Variants in ZNF431 observed in about 807,000 individuals in gnomAD.
The protein encoded by ZNF431 is zinc finger protein 431.
Under a neutral mutation model 57.0 loss-of-function variants are expected in ZNF431, and 34 were observed. The ratio of observed to expected loss-of-function variants is 0.60; its 90% CI spans 0.45 to 0.79. ZNF431 has a LOEUF of 0.79. ZNF431 is among the 30% of genes least tolerant of loss of function. The pLI, the probability that ZNF431 is intolerant of heterozygous loss-of-function variation, is 0.00. For missense variants in ZNF431, 607 were observed against 667.1 expected, an observed-to-expected ratio of 0.91 and a Z score of 0.99; for synonymous variants, 207 against 220.3, an observed-to-expected ratio of 0.94 and a Z score of 0.54.
chr19:21,142,949 T>G (rs185340570), intron 1 of ZNF431, among the ~76,000 whole-genome samples: 64 of 152,284 alleles, frequency 4.2e-4, no homozygotes, highest in African/African-American at 1.5e-3. Flanking sequence ...TCTAATTGCC[T>G]GCCTTTTAAT....
intron 4 of ZNF431, among the ~76,000 whole-genome samples, chr19:21,176,539 G>A (rs938184971): frequency 6.6e-6 from 1 of 151,834 alleles, no homozygotes; most frequent in African/African-American, 2.4e-5. Context: ...CACTGTGCCC[G>A]GCCTTTGTTC....
intron 2 of ZNF431, among the ~76,000 whole-genome samples, chr19:21,155,991 C>T (rs1164051440): frequency 1.3e-5 from 2 of 152,080 alleles, no homozygotes; most frequent in Admixed American, 6.5e-5. Context: ...TGACAGACCC[C>T]CTTTTCACAA....
chr19:21,152,436 T>G (rs12980860), intron 2 of ZNF431, among the ~76,000 whole-genome samples: 112,788 of 151,986 alleles, frequency 0.74, 42,855 homozygotes, highest in Middle Eastern at 0.86. Context: ...CCATGTCCCA[T>G]GGTCCTGTAG....
intron 2 of ZNF431, among the ~76,000 whole-genome samples, chr19:21,164,530 G>T (rs1366968066): frequency 6.6e-6 from 1 of 152,168 alleles, no homozygotes; most frequent in Non-Finnish European, 1.5e-5. Context: ...CGTGACACTA[G>T]TAGGTAAGCA....
At chr19:21,169,105 G>T (rs1270477393) in intron 4 of ZNF431, among the ~76,000 whole-genome samples, 1 of 151,804 alleles carries the variant, frequency 6.6e-6, no homozygotes, top group Non-Finnish European at 1.5e-5. Flanking sequence ...TAGTAAGACG[G>T]AATTTCACTC....
In ZNF431 at chr19:21,185,780, A is replaced by C. The variant is rs992030826; in HGVS notation, c.*1746A>C. The C allele has an allele frequency of 4.6e-5, 7 of 152,148 alleles. No individual in the cohort carries two copies. The highest frequency in any genetic ancestry group is 8.8e-5 in the Non-Finnish European group (6 of 68,028). 9.4% of individuals were successfully genotyped at this position (152,148 alleles called of 1,614,324 possible). On this transcript the variant is annotated 3_prime_UTR_variant, in exon 5 of 5. Coordinates refer to ENST00000311048, the MANE Select transcript of ZNF431 (RefSeq NM_133473.4). ...CCAGCCTGTAGCATATTTTAATAGG[A>C]GAATACAATATATAATAGTAGCAGG...
Position 21,192,155 on chromosome 19 carries a change from T to A in ZNF431, c.*8121T>A, listed in dbSNP as rs1458909376. Reference sequence around the variant, plus strand: ...ATGGTGCTTTTGTATTTTGAAAGTTTAATAAATTTTGTTTATTTATTTATT... The same window carrying A: ...ATGGTGCTTTTGTATTTTGAAAGTTAAATAAATTTTGTTTATTTATTTATT... On this transcript the variant is annotated 3_prime_UTR_variant, in exon 5 of 5. Transcript: ENST00000311048. The A allele has an allele frequency of 6.6e-6, 1 of 152,144 alleles. No individual in the cohort carries two copies. The highest frequency in any genetic ancestry group is 1.5e-5 in the Non-Finnish European group (1 of 68,022). The allele number at this position is 152,144 out of a possible 1,614,324, so 9.4% of individuals were successfully genotyped here. A position where few individuals can be genotyped will look rare whatever the true frequency, so the allele number is the denominator to read the frequency against.
In ZNF431 at chr19:21,142,171, T is replaced by C. The variant is rs755035105; in HGVS notation, c.-13T>C. On this transcript the variant is annotated 5_prime_UTR_variant, in exon 1 of 5. Transcript: ENST00000311048. The stretch of plus-strand genomic sequence containing the variant: ...CCACAGCTAAGACACCGGGACCCCC[T>C]GAAAGCCTAGAAATGGTGAGAGTGC... 3 of 1,612,798 alleles carry C rather than the reference T, an allele frequency of 1.9e-6. No homozygotes were observed. Among genetic ancestry groups the C allele is most frequent in the Non-Finnish European group, 2.5e-6 (3 of 1,179,192 alleles).
At chr19:21,149,877 G>T in intron 2 of ZNF431, 1 of 641,422 alleles carries the variant, frequency 1.6e-6, no homozygotes. Context: ...AGACGTCCTA[G>T]TCTTACCTTC....
chr19:21,145,781 T>C (rs1366322875), intron 2 of ZNF431, among the ~76,000 whole-genome samples: 1 of 152,102 alleles, frequency 6.6e-6, no homozygotes, highest in African/African-American at 2.4e-5. Context: ...TTATAAAAAC[T>C]GTAAGTATTG....
intron 2 of ZNF431, 33 bp downstream of exon 2, chr19:21,143,676 C>T: frequency 6.6e-7 from 1 of 1,526,504 alleles, no homozygotes. Context: ...TTGTCTACGC[C>T]CAACCCAGCT....
At chr19:21,154,782 A>AT (rs1439292581) in intron 2 of ZNF431, among the ~76,000 whole-genome samples, 5 of 152,080 alleles carry the variant, frequency 3.3e-5, no homozygotes, top group African/African-American at 1.2e-4. Flanking sequence ...GATGATGAGC[A>AT]TTTTTTCATG....
At chr19:21,144,809 C>A (rs939864180) in intron 2 of ZNF431, among the ~76,000 whole-genome samples, 1 of 152,092 alleles carries the variant, frequency 6.6e-6, no homozygotes, top group Non-Finnish European at 1.5e-5. Context: ...TACATAGATT[C>A]ATGAAAACAT....
Position 21,155,950 on chromosome 19 carries a change from A to G in ZNF431, c.97-10385A>G, listed in dbSNP as rs190394337. ...CCCAGGGCTCCTGCCAGGATTGAAG[A>G]GGATGAAAACTTCAAGGAAAGGAGC... On this transcript the variant is annotated intron_variant, in intron 2 of 4. Transcript: ENST00000311048. Among the ~76,000 whole-genome samples the G allele has an allele frequency of 1.2e-4, 18 of 152,254 alleles. No individual in the cohort carries two copies. In the East Asian group the frequency reaches 3.5e-3, roughly 29 times the overall value.
chr19:21,181,774 T>G (rs1971216331), intron 4 of ZNF431, among the ~76,000 whole-genome samples: 1 of 152,286 alleles, frequency 6.6e-6, no homozygotes, highest in African/African-American at 2.4e-5. Flanking sequence ...TTTTTAAAAT[T>G]AATGTATACA....
intron 3 of ZNF431, among the ~76,000 whole-genome samples, chr19:21,166,746 A>G (rs1318430658): frequency 6.6e-6 from 1 of 152,174 alleles, no homozygotes; most frequent in East Asian, 1.9e-4. Context: ...CTTAAAATCT[A>G]TTTGCCATCA....
rs1454897226 is a variant in ZNF431 at position 21,183,945 on chromosome 19, A to C, written c.1642A>C (p.Thr548Pro). Residue 548 changes from threonine to proline, a missense_variant, in exon 5 of 5, where the codon ACA becomes CCA. Physicochemically the swap from Thr to Pro is conservative, Grantham distance 38. Coordinates refer to ENST00000311048, the MANE Select transcript of ZNF431 (RefSeq NM_133473.4). ...KPYNCEECDN[T>P]FNQSSNLIKQ... The stretch of plus-strand genomic sequence containing the variant: ...CTACAACTGTGAAGAATGTGACAAT[A>C]CATTTAACCAGTCCTCAAACCTTAT... The C allele has an allele frequency of 1.9e-6, 3 of 1,609,824 alleles. 1 individual carries two copies. Among genetic ancestry groups the C allele is most frequent in the Non-Finnish European group, 2.5e-6 (3 of 1,178,604 alleles).
At chr19:21,175,448 TC>T (rs766738014) in intron 4 of ZNF431, 678 of 697,122 alleles carry the variant, frequency 9.7e-4, no homozygotes, top group Non-Finnish European at 1.6e-3. Context: ...AATTTTATGT[TC>T]CAGGATACAT....
At chr19:21,179,561 CTT>C (rs537364359) in intron 4 of ZNF431, among the ~76,000 whole-genome samples, 16 of 137,032 alleles carry the variant, frequency 1.2e-4, no homozygotes, top group Non-Finnish European at 9.5e-5. Context: ...GTTACATTGT[CTT>C]TTTTTTTTTT....
Sources: allele counts gnomAD v4.1 joint callset (sites outside exome capture counted in the v4.1 genomes callset), GRCh38; gene constraint gnomAD v4.1.1; transcripts MANE v1.5; gene names NCBI Gene and HGNC (gene_info 2026-07-23, HGNC 2026-07-21).